Variants in DLG2 observed in about 807,000 individuals in gnomAD.
The protein encoded by DLG2 is discs large MAGUK scaffold protein 2.
A neutral mutation model predicts 132.5 loss-of-function variants in DLG2; 45 were observed. The observed-to-expected ratio is 0.34, with a 90% CI of 0.27 to 0.44. DLG2 has a LOEUF of 0.44. Among genes scored for constraint, DLG2 ranks in the 20% least tolerant of loss-of-function variants. The probability of loss-of-function intolerance (pLI) is 1.00; values close to 1 mark genes in which losing one functional copy is unlikely to be tolerated. For missense variants in DLG2, 1,045 were observed against 1,196.9 expected (o/e 0.87, Z 1.87); for synonymous variants, 424 against 419.6 (o/e 1.01, Z -0.13).
At chr11:83,469,143 G>T (rs1204914847) in intron 25 of DLG2, 58 bp downstream of exon 25, 40 of 1,174,726 alleles carry the variant, frequency 3.4e-5, no homozygotes, top group African/African-American at 5.1e-5. Flanking sequence ...AAAAAAAAAT[G>T]CAGTTTGCAA....
intron 6 of DLG2, among the ~76,000 whole-genome samples, chr11:85,072,690 A>T (rs2066022046): frequency 6.6e-6 from 1 of 151,826 alleles, no homozygotes; most frequent in Non-Finnish European, 1.5e-5. Context: ...GCACTAATGG[A>T]AGAGAAAGAA....
chr11:83,551,015 A>T (rs982934045), intron 19 of DLG2, among the ~76,000 whole-genome samples: 1 of 152,186 alleles, frequency 6.6e-6, no homozygotes, highest in Non-Finnish European at 1.5e-5. Flanking sequence ...ATGACTCGTG[A>T]AGATCATGAG....
At chr11:84,298,302 T>C (rs570434002) in intron 7 of DLG2, among the ~76,000 whole-genome samples, 25 of 152,342 alleles carry the variant, frequency 1.6e-4, no homozygotes, top group South Asian at 8.3e-4. Context: ...TTTGCATACC[T>C]TGATATAAGG....
chr11:84,435,301 A>G (rs1242113540), intron 7 of DLG2, among the ~76,000 whole-genome samples: 1 of 152,198 alleles, frequency 6.6e-6, no homozygotes, highest in Non-Finnish European at 1.5e-5. Flanking sequence ...TAAATAAGCT[A>G]TGTTATAAAA....
chr11:84,624,296 G>A (rs992040470), intron 6 of DLG2, among the ~76,000 whole-genome samples: 2 of 152,028 alleles, frequency 1.3e-5, no homozygotes, highest in Non-Finnish European at 2.9e-5. Context: ...AATACCTAAT[G>A]TTATTACTCC....
intron 3 of DLG2, among the ~76,000 whole-genome samples, chr11:85,520,279 T>C (rs984308484): frequency 2.6e-5 from 4 of 152,064 alleles, no homozygotes; most frequent in Admixed American, 6.6e-5. Flanking sequence ...TATCTAGGAA[T>C]ACCTTCAAGT....
At chr11:84,815,924 A>G (rs1333939510) in intron 6 of DLG2, among the ~76,000 whole-genome samples, 2 of 151,994 alleles carry the variant, frequency 1.3e-5, no homozygotes, top group African/African-American at 4.8e-5. Flanking sequence ...TCAGGCTCCA[A>G]TGTAGCAATT....
chr11:85,431,963 G>C (rs181281508), intron 3 of DLG2, among the ~76,000 whole-genome samples: 1 of 152,198 alleles, frequency 6.6e-6, no homozygotes, highest in South Asian at 2.1e-4. Context: ...GGAAGGAGCA[G>C]GCATCCATCT....
intron 6 of DLG2, among the ~76,000 whole-genome samples, chr11:84,835,655 TG>T (rs1455221578): frequency 6.6e-6 from 1 of 151,774 alleles, no homozygotes; most frequent in African/African-American, 2.4e-5. Context: ...ATCATACAGC[TG>T]GCTGTACTGG....
At chr11:84,763,066 T>A (rs2067868195) in intron 6 of DLG2, among the ~76,000 whole-genome samples, 1 of 152,196 alleles carries the variant, frequency 6.6e-6, no homozygotes, top group African/African-American at 2.4e-5. Context: ...GCCCACACCA[T>A]TATTTGACCA....
intron 6 of DLG2, among the ~76,000 whole-genome samples, chr11:84,972,147 C>A (rs1030655219): frequency 6.6e-6 from 1 of 152,112 alleles, no homozygotes; most frequent in African/African-American, 2.4e-5. Context: ...TTCTAAAAGA[C>A]CTCTTTACCT....
intron 9 of DLG2, among the ~76,000 whole-genome samples, chr11:84,099,446 A>C (rs1001394788): frequency 6.6e-6 from 1 of 152,090 alleles, no homozygotes; most frequent in Non-Finnish European, 1.5e-5. Flanking sequence ...ATTTAATAGA[A>C]GAGTGAACTT....
chr11:83,618,844 C>T (rs115056873), intron 19 of DLG2, among the ~76,000 whole-genome samples: 2,532 of 152,302 alleles, frequency 0.017, 58 homozygotes, highest in African/African-American at 0.058. Context: ...TCATAGTTAG[C>T]TTCTCAAATC....
intron 3 of DLG2, among the ~76,000 whole-genome samples, chr11:85,384,613 C>T (rs188415548): frequency 5.9e-5 from 9 of 152,258 alleles, no homozygotes; most frequent in African/African-American, 1.4e-4. Flanking sequence ...CTGTTTCCCA[C>T]GCTGGAGTGC....
intron 18 of DLG2, among the ~76,000 whole-genome samples, chr11:83,652,515 C>T (rs1211091075): frequency 7.9e-5 from 12 of 152,184 alleles, no homozygotes; most frequent in African/African-American, 2.2e-4. Flanking sequence ...GAATTACAGG[C>T]GTGCACCACC....
chr11:85,081,432 C>T (rs1174420173), intron 6 of DLG2, among the ~76,000 whole-genome samples: 4 of 152,120 alleles, frequency 2.6e-5, no homozygotes, highest in Non-Finnish European at 5.9e-5. Flanking sequence ...TTCTTTTGCC[C>T]TTCTATCTTG....
chr11:85,143,229 G>A (rs1347896311), intron 5 of DLG2, among the ~76,000 whole-genome samples: 1 of 151,570 alleles, frequency 6.6e-6, no homozygotes, highest in Non-Finnish European at 1.5e-5. Flanking sequence ...CTCATTACTT[G>A]TTATTGGTCT....
chr11:83,836,217 G>GA (rs1158031644), intron 16 of DLG2, among the ~76,000 whole-genome samples: 1 of 152,128 alleles, frequency 6.6e-6, no homozygotes, highest in East Asian at 1.9e-4. Context: ...ACCCCTTGGG[G>GA]AAAACAATCT....
chr11:83,998,547 C>T (rs1188451855), intron 11 of DLG2, among the ~76,000 whole-genome samples: 1 of 152,186 alleles, frequency 6.6e-6, no homozygotes, highest in African/African-American at 2.4e-5. Flanking sequence ...ATGAGAGACT[C>T]CTCAATATGG....
Sources: allele counts gnomAD v4.1 joint callset (sites outside exome capture counted in the v4.1 genomes callset), GRCh38; gene constraint gnomAD v4.1.1; transcripts MANE v1.5; gene names NCBI Gene and HGNC (gene_info 2026-07-23, HGNC 2026-07-21).